The following NHS variants were observed in gnomAD, a reference collection of about 807,000 sequenced individuals.
NHS encodes the protein NHS actin remodeling regulator, also known as actin remodeling regulator NHS.
Under a neutral mutation model 72.5 loss-of-function variants are expected in NHS, and 5 were observed. That is an observed-to-expected ratio of 0.07 (90% CI 0.04 to 0.14). The LOEUF (loss-of-function observed/expected upper bound fraction) is 0.14. NHS is among the 10% of genes least tolerant of loss of function. The pLI, the probability that NHS is intolerant of heterozygous loss-of-function variation, is 1.00. For synonymous variants in NHS, 464 were observed against 547.7 expected (o/e 0.85, Z 2.13); for missense variants, 1,072 against 1,355.7 (o/e 0.79, Z 3.29).
chrX:17,441,153 G>A lies in NHS; in HGVS notation c.565+64831G>A, dbSNP rs139750314. Reference sequence around the variant, plus strand: ...AGTAAGACCTAGTGATATAAAGATGGCAGACGTTGGGGAAGAGGGAGCTCC... The same window carrying A: ...AGTAAGACCTAGTGATATAAAGATGACAGACGTTGGGGAAGAGGGAGCTCC... On this transcript the variant is annotated intron_variant, in intron 1 of 8. Transcript: ENST00000676302. Among the ~76,000 whole-genome samples the A allele has an allele frequency of 3.9e-3, 438 of 112,382 alleles. 1 individual carries two copies. The highest frequency in any genetic ancestry group is 0.013 in the African/African-American group (398 of 30,975).
intron 1 of NHS, among the ~76,000 whole-genome samples, chrX:17,387,775 A>G (rs1172275597): frequency 8.9e-6 from 1 of 112,969 alleles, no homozygotes; most frequent in Non-Finnish European, 1.9e-5. Flanking sequence ...TCTTTTCTTC[A>G]TCTGCTATGG....
intron 1 of NHS, among the ~76,000 whole-genome samples, chrX:17,433,780 TTTTC>T (rs1479802095): frequency 8.9e-6 from 1 of 112,168 alleles, no homozygotes. Flanking sequence ...TCAAGGTGAT[TTTTC>T]TTCACTTTGA....
chrX:17,702,640 T>C (rs1008205013), intron 3 of NHS, among the ~76,000 whole-genome samples: 1 of 111,376 alleles, frequency 9.0e-6, no homozygotes. Context: ...TGAGCCGAGA[T>C]TGCACCACTG....
At chrX:17,392,546 C>G (rs745711867) in intron 1 of NHS, among the ~76,000 whole-genome samples, 4 of 111,782 alleles carry the variant, frequency 3.6e-5, no homozygotes, top group Non-Finnish European at 7.5e-5. Context: ...TATGTGTGAC[C>G]GGAAGCCATG....
At chrX:17,519,497 C>G in intron 1 of NHS, among the ~76,000 whole-genome samples, 1 of 112,152 alleles carries the variant, frequency 8.9e-6, no homozygotes, top group East Asian at 2.8e-4. Flanking sequence ...GTAAGGGGGA[C>G]AGCATGTTGC....
chrX:17,504,032 C>T (rs981439909), intron 1 of NHS, among the ~76,000 whole-genome samples: 2 of 111,522 alleles, frequency 1.8e-5, no homozygotes, highest in Admixed American at 9.5e-5. Context: ...AATCATAGTA[C>T]ACTGAACATA....
intron 1 of NHS, among the ~76,000 whole-genome samples, chrX:17,646,690 A>T (rs2065907199): frequency 8.9e-6 from 1 of 112,322 alleles, no homozygotes; most frequent in African/African-American, 3.2e-5. Flanking sequence ...AACCTGAACT[A>T]GGTGAGACTG....
chrX:17,546,660 CAT>C (rs1340283925), intron 1 of NHS, among the ~76,000 whole-genome samples: 2 of 112,302 alleles, frequency 1.8e-5, no homozygotes, highest in African/African-American at 6.5e-5. Flanking sequence ...CCTGTACACA[CAT>C]GGCACACACA....
chrX:17,537,175 G>C, intron 1 of NHS, among the ~76,000 whole-genome samples: 1 of 112,210 alleles, frequency 8.9e-6, no homozygotes, highest in Non-Finnish European at 1.9e-5. Context: ...CACCAAACTT[G>C]AAGTGAAGTT....
intron 1 of NHS, among the ~76,000 whole-genome samples, chrX:17,608,671 CTT>C (rs774714519): frequency 7.0e-5 from 7 of 99,751 alleles, no homozygotes; most frequent in Admixed American, 1.1e-4. Context: ...AATGAAAAGA[CTT>C]TTTTTTTTTT....
chrX:17,505,046 A>C (rs1008166501), intron 1 of NHS, among the ~76,000 whole-genome samples: 1 of 111,205 alleles, frequency 9.0e-6, no homozygotes, highest in African/African-American at 3.3e-5. Flanking sequence ...GTATATATAT[A>C]TAATGTAAAT....
In NHS at chrX:17,525,675, G is replaced by A. The variant is rs750452478; in HGVS notation, c.565+149353G>A. ...TTTTTTTTTTACTACAGTGGAAGGG[G>A]TTTTTATGGGAGAAACCTCTGATTA... On this transcript the variant is annotated intron_variant, in intron 1 of 8. Coordinates refer to ENST00000676302, the MANE Select transcript of NHS (RefSeq NM_001291867.2). Among the ~76,000 whole-genome samples the A allele has an allele frequency of 2.7e-4, 24 of 89,360 alleles. 1 individual carries two copies. The highest frequency in any genetic ancestry group is 2.0e-4 in the Non-Finnish European group (9 of 45,393). 77.6% of individuals were successfully genotyped at this position (89,360 alleles called of 115,157 possible).
rs779888869 is a variant in NHS at position 17,402,137 on chromosome X, C to T, written c.565+25815C>T. On this transcript the variant is annotated intron_variant, in intron 1 of 8. Coordinates refer to ENST00000676302, the MANE Select transcript of NHS (RefSeq NM_001291867.2). Reference sequence around the variant, plus strand: ...GCAAATCAAAACCACAACGAGATACCACATCATCATACCCATTGGGAAGGA... The same window carrying T: ...GCAAATCAAAACCACAACGAGATACTACATCATCATACCCATTGGGAAGGA... 2.7e-5 allele frequency among the ~76,000 whole-genome samples: 3 copies of T among 111,332 alleles called. No homozygotes were observed. The South Asian group carries it at 1.1e-3, about 42-fold the overall frequency.
intron 1 of NHS, among the ~76,000 whole-genome samples, chrX:17,597,430 CTT>C (rs536355888): frequency 1.2e-4 from 11 of 94,658 alleles, no homozygotes; most frequent in East Asian, 3.3e-4. Flanking sequence ...TGGCTATTCT[CTT>C]TTTTTTTTTT....
At chrX:17,538,133 T>C (rs1438654116) in intron 1 of NHS, among the ~76,000 whole-genome samples, 1 of 111,663 alleles carries the variant, frequency 9.0e-6, no homozygotes, top group Non-Finnish European at 1.9e-5. Context: ...AGCATGAACT[T>C]CTTGAGTTCA....
At chrX:17,487,996 G>C (rs191276677) in intron 1 of NHS, among the ~76,000 whole-genome samples, 1 of 110,916 alleles carries the variant, frequency 9.0e-6, no homozygotes, top group Non-Finnish European at 1.9e-5. Context: ...AACAAGTCTC[G>C]AAACCAGCAA....
chrX:17,460,732 T>C (rs950331421), intron 1 of NHS, among the ~76,000 whole-genome samples: 6 of 112,332 alleles, frequency 5.3e-5, no homozygotes, highest in African/African-American at 1.9e-4. Context: ...CTGAGAGTAA[T>C]GTTTCTGTTT....
chrX:17,459,986 G>A (rs2064840583), intron 1 of NHS, among the ~76,000 whole-genome samples: 1 of 112,025 alleles, frequency 8.9e-6, no homozygotes, highest in African/African-American at 3.2e-5. Flanking sequence ...CAGCCAAGGA[G>A]ACACATATGG....
chrX:17,473,957 C>T (rs1215595409), intron 1 of NHS, among the ~76,000 whole-genome samples: 3 of 110,103 alleles, frequency 2.7e-5, no homozygotes, highest in Admixed American at 1.9e-4. Flanking sequence ...CGGGGGTACA[C>T]GTGAAGGTTT....
Sources: gnomAD v4.1 joint callset for allele counts (sites outside exome capture counted in the v4.1 genomes callset) on GRCh38, gnomAD v4.1.1 for gene constraint, MANE v1.5 for transcripts, NCBI Gene and HGNC (gene_info 2026-07-23, HGNC 2026-07-21) for gene names.